Variants in EPHA10 observed in about 807,000 individuals in gnomAD.
EPHA10 encodes EPH receptor A10.
A neutral mutation model predicts 109.7 loss-of-function variants in EPHA10; 120 were observed. The ratio of observed to expected loss-of-function variants is 1.09; its 90% CI spans 0.94 to 1.27. The LOEUF is 1.27. Ranked by LOEUF, EPHA10 falls within the 50% of genes most tolerant of loss-of-function variation. EPHA10 has a pLI of 0.00. For synonymous variants in EPHA10, 640 were observed against 618.9 expected, an observed-to-expected ratio of 1.03 and a Z score of -0.51; for missense variants, 1,396 against 1,411.1, an observed-to-expected ratio of 0.99 and a Z score of 0.17.
intron 10 of EPHA10, 96 bp from the exon 11 acceptor site, chr1:37,721,941 G>A: frequency 1.6e-6 from 2 of 1,240,720 alleles, no homozygotes; most frequent in East Asian, 2.9e-5. Context: ...GACCAGCCTG[G>A]CCAACATGGC....
At chr1:37,722,678 G>T in intron 10 of EPHA10, 1 of 381,656 alleles carries the variant, frequency 2.6e-6, no homozygotes, top group Non-Finnish European at 5.1e-6. Flanking sequence ...TGATCATGCA[G>T]CGGGTCAGTG....
At chr1:37,748,789 A>G (rs1037886711) in intron 5 of EPHA10, among the ~76,000 whole-genome samples, 7 of 152,152 alleles carry the variant, frequency 4.6e-5, no homozygotes, top group Non-Finnish European at 1.5e-5. Flanking sequence ...TAAAATTAAC[A>G]TCCATTTCTG....
intron 6 of EPHA10, chr1:37,734,652 G>A: frequency 2.2e-6 from 1 of 455,782 alleles, no homozygotes; most frequent in Non-Finnish European, 4.4e-6. Flanking sequence ...GATTGACAAT[G>A]GATACAAGAG....
intron 1 of EPHA10, 61 bp from the exon 2 acceptor site, chr1:37,762,910 G>T: frequency 6.8e-7 from 1 of 1,465,770 alleles, no homozygotes; most frequent in Non-Finnish European, 9.3e-7. Flanking sequence ...CAAGAGAGTG[G>T]AATCCTTTGG....
In EPHA10 at chr1:37,756,178, G is replaced by A. The variant is rs185970813; in HGVS notation, c.851-1808C>T. Among the ~76,000 whole-genome samples, 8 of 152,300 alleles carry A rather than the reference G, an allele frequency of 5.3e-5. No homozygotes were observed. The East Asian group carries it at 1.2e-3, about 22-fold the overall frequency. ...GCAGCAGAGACCCAGGCTGGGACTT[G>A]GAAAGCTTGGGTTCTAGTGTTGGCT... On this transcript the variant is annotated intron_variant, in intron 3 of 16. Coordinates refer to ENST00000373048, the MANE Select transcript of EPHA10 (RefSeq NM_001099439.2).
At chr1:37,719,735 C>T in intron 14 of EPHA10, 128 bp from the exon 15 acceptor site, 2 of 1,379,592 alleles carry the variant, frequency 1.4e-6, no homozygotes, top group South Asian at 1.3e-5. Context: ...GACACAGACA[C>T]ACACACACAC....
chr1:37,761,187 C>G (rs978093287), intron 3 of EPHA10: 9 of 1,468,336 alleles, frequency 6.1e-6, no homozygotes, highest in East Asian at 2.4e-5. Context: ...CTAATGCCTC[C>G]TTAGCCAGTC....
intron 8 of EPHA10, 88 bp downstream of exon 8, chr1:37,727,014 A>C: frequency 2.8e-6 from 3 of 1,052,910 alleles, no homozygotes; most frequent in East Asian, 5.5e-5. Flanking sequence ...GCGTGTGTGC[A>C]AAGTGGGCAG....
rs925900236 is a variant in EPHA10 at position 37,754,249 on chromosome 1, G to A, written c.972C>T (p.Arg324=). The A allele has an allele frequency of 1.5e-6, 2 of 1,319,738 alleles. No individual in the cohort carries two copies. The highest frequency in any genetic ancestry group is 1.9e-6 in the Non-Finnish European group (2 of 1,028,464). 81.8% of individuals were successfully genotyped at this position (1,319,738 alleles called of 1,614,324 possible). A position where few individuals can be genotyped will look rare whatever the true frequency, so the allele number is the denominator to read the frequency against. Residue 324 remains arginine, a synonymous_variant, in exon 4 of 17, where the codon CGC becomes CGT. Coordinates refer to ENST00000373048, the MANE Select transcript of EPHA10 (RefSeq NM_001099439.2). This position sits in a 1 kb window ranked among gnomAD's most constrained non-coding sequence, Gnocchi z 4.5. ...TFCVCQDSYA[R]SPTDPPSASC... ...AAGCCGAGGGCGGGTCGGTGGGTGA[G>A]CGCGCATAGCTGTCCTGGCACACGC...
intron 5 of EPHA10, among the ~76,000 whole-genome samples, chr1:37,739,057 G>A (rs558259597): frequency 1.3e-5 from 2 of 152,180 alleles, no homozygotes; most frequent in Admixed American, 1.3e-4. Context: ...TGTAAACGAC[G>A]AGTTGATGGG....
chr1:37,729,630 C>T (rs541826853), intron 7 of EPHA10, among the ~76,000 whole-genome samples: 1 of 151,978 alleles, frequency 6.6e-6, no homozygotes, highest in South Asian at 2.1e-4. Flanking sequence ...CCTGTGATCC[C>T]AGCACTTTGG....
intron 7 of EPHA10, among the ~76,000 whole-genome samples, chr1:37,730,791 A>C (rs1296806933): frequency 6.6e-6 from 1 of 151,746 alleles, no homozygotes; most frequent in African/African-American, 2.4e-5. Flanking sequence ...TCCCGGTTTT[A>C]AGTGATTCTT....
chr1:37,737,004 T>C (rs935541501), intron 5 of EPHA10, among the ~76,000 whole-genome samples: 5 of 152,228 alleles, frequency 3.3e-5, no homozygotes, highest in Non-Finnish European at 2.9e-5. Flanking sequence ...CACTTAATAC[T>C]GTTAAAATGT....
At chr1:37,721,146 G>A (rs182560215) in intron 11 of EPHA10, among the ~76,000 whole-genome samples, 14 of 151,978 alleles carry the variant, frequency 9.2e-5, no homozygotes, top group African/African-American at 2.9e-4. Context: ...CTGGCCAGGC[G>A]CGGTGGTTCA....
At chr1:37,735,184 T>C (rs1646048424) in intron 6 of EPHA10, 73 bp downstream of exon 6, 3 of 1,536,404 alleles carry the variant, frequency 2.0e-6, no homozygotes, top group Non-Finnish European at 1.8e-6. Flanking sequence ...GCTGGGAGGA[T>C]GGCCTGAAGA....
chr1:37,739,688 C>CAA (rs66804054), intron 5 of EPHA10, among the ~76,000 whole-genome samples: 67 of 76,566 alleles, frequency 8.8e-4, no homozygotes, highest in African/African-American at 1.3e-3. Context: ...GACCCTGTCT[C>CAA]AAAAAAAAAA....
intron 12 of EPHA10, 65 bp from the exon 13 acceptor site, chr1:37,720,619 G>A: frequency 6.4e-7 from 1 of 1,557,268 alleles, no homozygotes; most frequent in East Asian, 2.4e-5. Flanking sequence ...TGTGACACCA[G>A]GGCGGTCACC....
intron 15 of EPHA10, 121 bp from the exon 16 acceptor site, chr1:37,718,937 G>A: frequency 7.8e-7 from 1 of 1,288,688 alleles, no homozygotes. Context: ...GGGCCCCAGG[G>A]CTGGATCTGG....
At chr1:37,746,391 C>T (rs952906225) in intron 5 of EPHA10, among the ~76,000 whole-genome samples, 12 of 151,984 alleles carry the variant, frequency 7.9e-5, no homozygotes, top group African/African-American at 1.9e-4. Context: ...GCCACCACAC[C>T]GGGTAGTGTC....
Sources: allele counts gnomAD v4.1 joint callset (sites outside exome capture counted in the v4.1 genomes callset), GRCh38; gene constraint gnomAD v4.1.1; non-coding constraint Gnocchi (gnomAD v3.1); transcripts MANE v1.5; gene names NCBI Gene and HGNC (gene_info 2026-07-23, HGNC 2026-07-21).